Variants in COL13A1 observed in about 807,000 individuals in gnomAD.
COL13A1 encodes the protein collagen alpha-1(XIII) chain.
Under a neutral mutation model 130.9 loss-of-function variants are expected in COL13A1, and 89 were observed. The observed-to-expected ratio is 0.68, with a 90% CI of 0.57 to 0.81. The LOEUF (loss-of-function observed/expected upper bound fraction) is 0.81. Among genes scored for constraint, COL13A1 ranks in the 30% least tolerant of loss-of-function variants. The pLI is 0.00. For synonymous variants in COL13A1, 402 were observed against 341.6 expected (o/e 1.18, Z -1.95); for missense variants, 879 against 934.6 (o/e 0.94, Z 0.78).
At chr10:69,845,320 G>A (rs1159954545) in intron 2 of COL13A1, among the ~76,000 whole-genome samples, 2 of 151,708 alleles carry the variant, frequency 1.3e-5, no homozygotes, top group Non-Finnish European at 2.9e-5. Context: ...AGCCTCCCAA[G>A]TAACTGGGAT....
chr10:69,853,031 G>A (rs2133592728), intron 2 of COL13A1, among the ~76,000 whole-genome samples: 1 of 152,296 alleles, frequency 6.6e-6, no homozygotes, highest in South Asian at 2.1e-4. Context: ...GGGAGGTATG[G>A]GGAGGGGGCT....
At chr10:69,810,103 T>G (rs1248656045) in intron 1 of COL13A1, among the ~76,000 whole-genome samples, 1 of 152,216 alleles carries the variant, frequency 6.6e-6, no homozygotes, top group Admixed American at 6.5e-5. Flanking sequence ...GTAAAAGATC[T>G]GAAGTAACTA....
intron 28 of COL13A1, among the ~76,000 whole-genome samples, chr10:69,929,533 C>G (rs1177905738): frequency 2.0e-5 from 3 of 152,156 alleles, no homozygotes; most frequent in African/African-American, 7.2e-5. Context: ...ATCTATCAGG[C>G]AGAATTCCCT....
chr10:69,918,938 G>A (rs554025366), intron 19 of COL13A1, 124 bp from the exon 20 acceptor site: 2 of 1,103,834 alleles, frequency 1.8e-6, no homozygotes, highest in African/African-American at 1.5e-5. Flanking sequence ...GAAGAGCCGG[G>A]GCTGGCCAGA....
intron 2 of COL13A1, among the ~76,000 whole-genome samples, chr10:69,835,563 C>A (rs1849826042): frequency 6.6e-6 from 1 of 152,214 alleles, no homozygotes; most frequent in African/African-American, 2.4e-5. Flanking sequence ...TCACTGCACC[C>A]TCCCACCAGC....
chr10:69,889,478 G>T, intron 10 of COL13A1, 38 bp downstream of exon 10: 1 of 1,605,636 alleles, frequency 6.2e-7, no homozygotes, highest in East Asian at 2.2e-5. Context: ...GAGATGGGTG[G>T]GGGTTGGCCC....
rs531818979 is a variant in COL13A1, at chr10:69,843,893, C to T, written c.364+21455C>T. 3.9e-5 allele frequency among the ~76,000 whole-genome samples: 6 copies of T among 152,246 alleles called. No individual in the cohort carries two copies. The East Asian group carries it at 5.8e-4, about 15-fold the overall frequency. On this transcript the variant is annotated intron_variant, in intron 2 of 40. Transcript: ENST00000645393. ...GTGCACCTGGATTTATTTATCAATA[C>T]GAAGGTGTTGAACATCTGCTGTGGG...
intron 2 of COL13A1, among the ~76,000 whole-genome samples, chr10:69,848,765 G>A (rs1272962381): frequency 6.6e-6 from 1 of 152,080 alleles, no homozygotes; most frequent in African/African-American, 2.4e-5. Flanking sequence ...AACAATGGAA[G>A]CATTCCCCAC....
intron 1 of COL13A1, among the ~76,000 whole-genome samples, chr10:69,814,127 G>A (rs1442140254): frequency 6.6e-6 from 1 of 152,230 alleles, no homozygotes; most frequent in Non-Finnish European, 1.5e-5. Context: ...TAGCAGATGG[G>A]ATCAAGTCCC....
rs60054259 is a variant in COL13A1 at position 69,904,905 on chromosome 10, CTTTTTTTTT to C, written c.859-19_859-11del. On this transcript the variant is annotated intron_variant, in intron 15 of 40. Transcript: ENST00000645393. ...CAGCTCTACTCACCTTTTCTTTTTT[CTTTTTTTTT>C]TTTTTTTTGCTTCCACAGGGCTTAC... The C allele has an allele frequency of 7.2e-4, 1,067 of 1,475,798 alleles. 3 individuals carry two copies. In the Middle Eastern group the frequency reaches 9.0e-3, roughly 12 times the overall value. The allele number at this position is 1,475,798 out of a possible 1,614,324, so 91.4% of individuals were successfully genotyped here. A position where few individuals can be genotyped will look rare whatever the true frequency, so the allele number is the denominator to read the frequency against.
chr10:69,820,422 G>C (rs1321055753), intron 1 of COL13A1, among the ~76,000 whole-genome samples: 1 of 152,222 alleles, frequency 6.6e-6, no homozygotes, highest in Non-Finnish European at 1.5e-5. Flanking sequence ...CAGTCATTTA[G>C]CCGACCTGTG....
intron 39 of COL13A1, 182 bp from the exon 40 acceptor site, chr10:69,956,822 C>G: frequency 1.7e-6 from 1 of 597,738 alleles, no homozygotes. Flanking sequence ...GTAAAATAGC[C>G]GGATTTGTTT....
intron 39 of COL13A1, 149 bp downstream of exon 39, chr10:69,953,117 C>A: frequency 1.8e-6 from 1 of 545,222 alleles, no homozygotes; most frequent in Non-Finnish European, 3.0e-6. Flanking sequence ...TGGTGAAATT[C>A]TGCCCGCTGT....
intron 6 of COL13A1, 79 bp downstream of exon 6, chr10:69,878,144 TC>T: frequency 1.2e-5 from 8 of 693,242 alleles, no homozygotes; most frequent in East Asian, 2.7e-5. Context: ...CTCTCAGCCC[TC>T]CCCCCCATGA....
At chr10:69,946,928 C>T (rs2068642055) in intron 37 of COL13A1, among the ~76,000 whole-genome samples, 1 of 152,194 alleles carries the variant, frequency 6.6e-6, no homozygotes, top group African/African-American at 2.4e-5. Flanking sequence ...GCTCAGACTA[C>T]AGGTGCCCAC....
chr10:69,842,706 T>A (rs1312920011), intron 2 of COL13A1, among the ~76,000 whole-genome samples: 1 of 152,224 alleles, frequency 6.6e-6, no homozygotes, highest in East Asian at 1.9e-4. Context: ...AGGCTGTGCA[T>A]GCCCAGATGC....
intron 39 of COL13A1, chr10:69,956,227 A>C (rs2070656600): frequency 6.6e-6 from 1 of 152,200 alleles, no homozygotes; most frequent in Admixed American, 6.5e-5. Context: ...CAAGGAGAGG[A>C]TATGAGGGCC....
intron 2 of COL13A1, among the ~76,000 whole-genome samples, chr10:69,822,938 T>G (rs993838769): frequency 2.0e-5 from 3 of 152,254 alleles, no homozygotes; most frequent in African/African-American, 7.2e-5. Flanking sequence ...CTAGGCTACA[T>G]GCAACACACA....
chr10:69,881,811 G>A (rs1372453940), intron 7 of COL13A1, among the ~76,000 whole-genome samples: 1 of 152,166 alleles, frequency 6.6e-6, no homozygotes. Context: ...CATGACATAG[G>A]GACTGTGATC....
Sources: allele counts gnomAD v4.1 joint callset (sites outside exome capture counted in the v4.1 genomes callset), GRCh38; gene constraint gnomAD v4.1.1; transcripts MANE v1.5; gene names NCBI Gene and HGNC (gene_info 2026-07-23, HGNC 2026-07-21).